The following FDFT1 variants were observed in gnomAD, a reference collection of about 807,000 sequenced individuals.
FDFT1 encodes farnesyl-diphosphate farnesyltransferase 1, also known as squalene synthase.
A neutral mutation model predicts 46.8 loss-of-function variants in FDFT1; 68 were observed. The ratio of observed to expected loss-of-function variants is 1.45; its 90% CI spans 1.19 to 1.78. The LOEUF (loss-of-function observed/expected upper bound fraction) is 1.78, where lower values mean the gene tolerates loss of function less well. FDFT1 is among the 40% of genes most tolerant of loss of function. FDFT1 has a pLI of 0.00. For missense variants in FDFT1, 928 were observed against 524.4 expected (o/e 1.77, Z -7.52); for synonymous variants, 351 against 185.1 (o/e 1.90, Z -7.28).
At chr8:11,825,070 T>TAA (rs1267728134) in intron 4 of FDFT1, among the ~76,000 whole-genome samples, 2 of 152,204 alleles carry the variant, frequency 1.3e-5, no homozygotes, top group African/African-American at 4.8e-5. Flanking sequence ...GTCAAGAACA[T>TAA]AAAATAGTTA....
At position 11,802,763 on chromosome 8, in the gene FDFT1, A is replaced by T; in HGVS notation, c.-70A>T. The T allele has an allele frequency of 1.6e-6, 2 of 1,263,674 alleles. No homozygotes were observed. The highest frequency in any genetic ancestry group is 3.0e-5 in the African/African-American group (2 of 67,402). 78.3% of individuals were successfully genotyped at this position (1,263,674 alleles called of 1,614,324 possible). On this transcript the variant is annotated 5_prime_UTR_variant, in exon 1 of 8. Transcript: ENST00000220584. ...CTCGAAGCACCTACTCCACAGGTCCAGCCGGCCGGTGAGCGCCTGGGGACC... is the reference window on the plus strand; with the variant it reads ...CTCGAAGCACCTACTCCACAGGTCCTGCCGGCCGGTGAGCGCCTGGGGACC...
At chr8:11,812,566 A>G (rs577267781) in intron 3 of FDFT1, among the ~76,000 whole-genome samples, 1 of 152,344 alleles carries the variant, frequency 6.6e-6, no homozygotes, top group Admixed American at 6.5e-5. Context: ...CTAAATTCAA[A>G]CCTGAATCAA....
intron 5 of FDFT1, 76 bp downstream of exon 5, chr8:11,826,291 G>C (rs113054717): frequency 5.8e-6 from 7 of 1,210,150 alleles, no homozygotes; most frequent in South Asian, 1.8e-5. Context: ...TTGTGGTTGC[G>C]GGTGACAGAA....
chr8:11,833,027 C>A (rs1237765234), intron 7 of FDFT1, among the ~76,000 whole-genome samples: 2 of 152,170 alleles, frequency 1.3e-5, no homozygotes, highest in African/African-American at 4.8e-5. Context: ...TACTTCCTCC[C>A]TACCTTTATC....
At chr8:11,814,931 C>G (rs1280630145) in intron 3 of FDFT1, among the ~76,000 whole-genome samples, 1 of 151,738 alleles carries the variant, frequency 6.6e-6, no homozygotes, top group Non-Finnish European at 1.5e-5. Context: ...AGGTTTGTTA[C>G]ATAGGTATAC....
At chr8:11,800,026 C>T, upstream of FDFT1, among the ~76,000 whole-genome samples, 1 of 129,000 alleles carries the variant, frequency 7.8e-6, no homozygotes, top group East Asian at 1.9e-4. Flanking sequence ...CTTTGGGAGG[C>T]CGAGGAGGGT....
Position 11,802,880 on chromosome 8 carries a change from G to GA in FDFT1, c.48_49insA (p.Val17SerfsTer69). ...GCCACCCCGAAGAGTTCTACAACCT[G>GA]GTGCGCTTCCGGATCGGGGGCAAGC... On this transcript the variant is annotated frameshift_variant, in exon 1 of 8. Transcript: ENST00000220584. LOFTEE classifies it high-confidence loss of function. 6.2e-7 allele frequency: 1 copy of GA among 1,612,386 alleles called. No individual in the cohort carries two copies. The highest frequency in any genetic ancestry group is 8.5e-7 in the Non-Finnish European group (1 of 1,179,184).
chr8:11,829,685 G>C (rs575962043), intron 5 of FDFT1, among the ~76,000 whole-genome samples: 8 of 152,148 alleles, frequency 5.3e-5, no homozygotes, highest in African/African-American at 1.9e-4. Context: ...GTTGTCCCTC[G>C]GGACATGCTC....
chr8:11,813,514 C>G (rs1410576558), intron 3 of FDFT1, among the ~76,000 whole-genome samples: 1 of 152,228 alleles, frequency 6.6e-6, no homozygotes, highest in East Asian at 1.9e-4. Flanking sequence ...AAATTAAGTA[C>G]TTTGCCTAGG....
intron 5 of FDFT1, among the ~76,000 whole-genome samples, chr8:11,826,435 C>G (rs1461217670): frequency 6.6e-6 from 1 of 152,178 alleles, no homozygotes; most frequent in African/African-American, 2.4e-5. Flanking sequence ...GCCTTGCTGT[C>G]CTTGATTTCT....
At chr8:11,822,257 T>G (rs1410361057) in intron 4 of FDFT1, among the ~76,000 whole-genome samples, 28 of 151,946 alleles carry the variant, frequency 1.8e-4, no homozygotes, top group Admixed American at 1.8e-3. Flanking sequence ...ACATTTTATT[T>G]ATTTATTTTA....
upstream of FDFT1, among the ~76,000 whole-genome samples, chr8:11,797,718 A>C (rs1380929860): frequency 1.3e-5 from 2 of 152,058 alleles, no homozygotes; most frequent in Non-Finnish European, 2.9e-5. Flanking sequence ...GCCAGGAAAC[A>C]CCAGAAAAGG....
rs553546119 is a variant in FDFT1 at position 11,838,382 on chromosome 8, T to C, written c.1033-6T>C. 1.3e-4 allele frequency: 202 copies of C among 1,610,612 alleles called. 6 individuals carry two copies. In the South Asian group the frequency reaches 2.1e-3, roughly 16 times the overall value. On this transcript the variant is annotated splice_region_variant and splice_polypyrimidine_tract_variant and intron_variant, in intron 7 of 7. Coordinates refer to ENST00000220584, the MANE Select transcript of FDFT1 (RefSeq NM_004462.5). ...CACTTATCATTTTTTCCTGTGTCTTTAACAGATTTATCATAGAATCCCCGA... is the reference window on the plus strand; with the variant it reads ...CACTTATCATTTTTTCCTGTGTCTTCAACAGATTTATCATAGAATCCCCGA...
At chr8:11,824,727 G>A (rs1809726557) in intron 4 of FDFT1, among the ~76,000 whole-genome samples, 1 of 152,132 alleles carries the variant, frequency 6.6e-6, no homozygotes, top group Admixed American at 6.5e-5. Context: ...AATGTGCAGA[G>A]TTCTTTTTTT....
chr8:11,823,672 A>C (rs377289150), intron 4 of FDFT1, among the ~76,000 whole-genome samples: 46 of 152,104 alleles, frequency 3.0e-4, no homozygotes, highest in African/African-American at 1.1e-3. Context: ...GGCTCAAGCA[A>C]TCTTCCTTGC....
Position 11,808,827 on chromosome 8 carries a change from A to G in FDFT1, c.133A>G (p.Lys45Glu), listed in dbSNP as rs764164796. Residue 45 changes from lysine (K) to glutamate (E), a missense_variant, in exon 2 of 8, where the codon AAG becomes GAG. Transcript: ENST00000220584. ...SLSSSLKTCY[K>E]YLNQTSRSFA... ...CAGCAGCAGCCTGAAAACTTGCTAC[A>G]AGTATCTCAATCAGACCAGTCGCAG... 6.8e-6 allele frequency: 11 copies of G among 1,613,736 alleles called. No individual in the cohort carries two copies. In the East Asian group the frequency reaches 1.3e-4, roughly 20 times the overall value.
intron 3 of FDFT1, among the ~76,000 whole-genome samples, chr8:11,818,234 T>C (rs981061578): frequency 6.6e-6 from 1 of 152,228 alleles, no homozygotes; most frequent in Admixed American, 6.5e-5. Context: ...GAAAGTTTGT[T>C]GTAATTTCTG....
chr8:11,838,353 A>G (rs750347717), intron 7 of FDFT1, 35 bp from the exon 8 acceptor site: 2 of 1,510,294 alleles, frequency 1.3e-6, no homozygotes, highest in African/African-American at 1.4e-5. Flanking sequence ...TGTAAAGCAC[A>G]TAGCACTTAT....
intron 3 of FDFT1, among the ~76,000 whole-genome samples, chr8:11,819,781 C>G (rs2409830): frequency 0.52 from 78,234 of 151,844 alleles, 22,235 homozygotes; most frequent in East Asian, 0.77. Context: ...TCCTTGCGAT[C>G]GGTCAGAACG....
Sources: gnomAD v4.1 joint callset for allele counts (sites outside exome capture counted in the v4.1 genomes callset) on GRCh38, gnomAD v4.1.1 for gene constraint, MANE v1.5 for transcripts, NCBI Gene and HGNC (gene_info 2026-07-23, HGNC 2026-07-21) for gene names.